The following ZNF407 variants were observed in gnomAD, a reference collection of about 807,000 sequenced individuals.
The protein encoded by ZNF407 is zinc finger protein 407.
Under a neutral mutation model 131.2 loss-of-function variants are expected in ZNF407, and 17 were observed. That is an observed-to-expected ratio of 0.13 (90% CI 0.09 to 0.19). The LOEUF (loss-of-function observed/expected upper bound fraction) is 0.19, where lower values mean the gene tolerates loss of function less well. ZNF407 is among the 10% of genes least tolerant of loss of function. The probability of loss-of-function intolerance (pLI) is 1.00; values close to 1 mark genes in which losing one functional copy is unlikely to be tolerated. For synonymous variants in ZNF407, 1,156 were observed against 1,062.0 expected, an observed-to-expected ratio of 1.09 and a Z score of -1.72; for missense variants, 2,681 against 2,830.6, an observed-to-expected ratio of 0.95 and a Z score of 1.20.
At chr18:74,626,774 C>G (rs1983804750) in intron 1 of ZNF407, among the ~76,000 whole-genome samples, 1 of 152,188 alleles carries the variant, frequency 6.6e-6, no homozygotes, top group Non-Finnish European at 1.5e-5. Flanking sequence ...CTCCCTTCCC[C>G]CACAGAGCAT....
At chr18:74,951,415 T>C (rs1972212771) in intron 8 of ZNF407, among the ~76,000 whole-genome samples, 1 of 152,204 alleles carries the variant, frequency 6.6e-6, no homozygotes, top group Non-Finnish European at 1.5e-5. Flanking sequence ...TAAACTGTTT[T>C]GCACAGAGAT....
In ZNF407 at chr18:74,710,898, G is replaced by C. The variant is rs558646230; in HGVS notation, c.4802+69776G>C. Among the ~76,000 whole-genome samples the C allele has an allele frequency of 1.5e-4, 23 of 152,312 alleles. No individual in the cohort carries two copies. In the South Asian group the frequency reaches 4.8e-3, roughly 32 times the overall value. ...AATGGAAAAACTGGCTCTGTGAATA[G>C]ACGAGTGAGGCTGAGCTATTTCTCT... is the stretch of plus-strand genomic sequence containing the variant. On this transcript the variant is annotated intron_variant, in intron 3 of 8. Coordinates refer to ENST00000299687, the MANE Select transcript of ZNF407 (RefSeq NM_017757.3).
chr18:74,802,169 G>A (rs894671641), intron 4 of ZNF407, among the ~76,000 whole-genome samples: 2 of 151,968 alleles, frequency 1.3e-5, no homozygotes, highest in South Asian at 2.1e-4. Context: ...GTTATACTAC[G>A]TACAAATATA....
intron 8 of ZNF407, among the ~76,000 whole-genome samples, chr18:74,950,259 A>G (rs1422643322): frequency 6.6e-6 from 1 of 152,202 alleles, no homozygotes; most frequent in African/African-American, 2.4e-5. Flanking sequence ...GCTGCAAGAA[A>G]ATGATTTAAC....
chr18:74,702,787 A>G (rs1967530954), intron 3 of ZNF407, among the ~76,000 whole-genome samples: 1 of 152,222 alleles, frequency 6.6e-6, no homozygotes, highest in Admixed American at 6.5e-5. Flanking sequence ...ATACACTGAT[A>G]CATAGACATG....
intron 4 of ZNF407, among the ~76,000 whole-genome samples, chr18:74,789,901 A>G (rs1163767023): frequency 4.7e-5 from 7 of 148,032 alleles, no homozygotes; most frequent in Admixed American, 6.7e-5. Flanking sequence ...CTATTCTCCA[A>G]TACACTCATA....
At chr18:74,629,401 C>G (rs1311840407) in intron 1 of ZNF407, among the ~76,000 whole-genome samples, 1 of 152,108 alleles carries the variant, frequency 6.6e-6, no homozygotes, top group African/African-American at 2.4e-5. Context: ...ATTTATCTTA[C>G]TATTGAGAAT....
chr18:74,759,958 C>CTCTG (rs1969057935), intron 3 of ZNF407, among the ~76,000 whole-genome samples: 1 of 150,922 alleles, frequency 6.6e-6, no homozygotes, highest in African/African-American at 2.4e-5. Flanking sequence ...GTCTCTCTCT[C>CTCTG]TCTCTCTCTC....
chr18:74,656,730 G>C (rs769519786), intron 3 of ZNF407, among the ~76,000 whole-genome samples: 8 of 152,160 alleles, frequency 5.3e-5, no homozygotes, highest in Admixed American at 5.2e-4. Context: ...AAGGGAAGCA[G>C]AGAATTAGGA....
intron 4 of ZNF407, among the ~76,000 whole-genome samples, chr18:74,805,259 A>G (rs1970092152): frequency 6.6e-6 from 1 of 152,182 alleles, no homozygotes; most frequent in Admixed American, 6.5e-5. Flanking sequence ...CTCTTCTGCT[A>G]TTTAAAAATC....
intron 8 of ZNF407, among the ~76,000 whole-genome samples, chr18:74,936,096 C>G (rs1159564322): frequency 6.6e-6 from 1 of 152,172 alleles, no homozygotes; most frequent in Non-Finnish European, 1.5e-5. Context: ...ATTTCTCTAT[C>G]TGCTTCTAAG....
chr18:74,764,841 T>C (rs1969191960), intron 3 of ZNF407, among the ~76,000 whole-genome samples: 1 of 152,202 alleles, frequency 6.6e-6, no homozygotes, highest in Admixed American at 6.5e-5. Flanking sequence ...ACTCTATTCT[T>C]TAAGCTTGAT....
intron 3 of ZNF407, 30 bp from the exon 4 acceptor site, chr18:74,781,398 G>A: frequency 1.4e-6 from 2 of 1,458,486 alleles, no homozygotes; most frequent in African/African-American, 1.4e-5. Flanking sequence ...TCAAGTTTTA[G>A]TTTTATAATT....
At chr18:74,641,439 C>G (rs1017753361) in intron 3 of ZNF407, among the ~76,000 whole-genome samples, 8 of 152,108 alleles carry the variant, frequency 5.3e-5, no homozygotes, top group Admixed American at 2.0e-4. Flanking sequence ...TACAAAAATA[C>G]ATAATATAGC....
At chr18:74,872,325 T>G (rs1971098687) in intron 4 of ZNF407, among the ~76,000 whole-genome samples, 1 of 152,118 alleles carries the variant, frequency 6.6e-6, no homozygotes, top group South Asian at 2.1e-4. Context: ...TACAATCACC[T>G]TTTTGAGATT....
intron 1 of ZNF407, among the ~76,000 whole-genome samples, chr18:74,607,060 G>C (rs1982839133): frequency 6.6e-6 from 1 of 152,238 alleles, no homozygotes; most frequent in African/African-American, 2.4e-5. Context: ...TGCCCTACAG[G>C]AGGCAGGTGT....
chr18:74,610,991 C>T (rs1983034444), intron 1 of ZNF407, among the ~76,000 whole-genome samples: 1 of 152,204 alleles, frequency 6.6e-6, no homozygotes, highest in Non-Finnish European at 1.5e-5. Flanking sequence ...GCAGAATAAA[C>T]CTCAATGAAG....
At chr18:75,059,032 TG>T (rs1276447970) in intron 8 of ZNF407, among the ~76,000 whole-genome samples, 1 of 152,214 alleles carries the variant, frequency 6.6e-6, no homozygotes, top group Non-Finnish European at 1.5e-5. Context: ...ATTTATGAAC[TG>T]TGATGGACTC....
chr18:74,705,564 T>C (rs1218442435), intron 3 of ZNF407, among the ~76,000 whole-genome samples: 2 of 152,226 alleles, frequency 1.3e-5, no homozygotes, highest in African/African-American at 4.8e-5. Context: ...GATTAGACTT[T>C]TTGAATATAG....
Sources: gnomAD v4.1 joint callset for allele counts (sites outside exome capture counted in the v4.1 genomes callset) on GRCh38, gnomAD v4.1.1 for gene constraint, MANE v1.5 for transcripts, NCBI Gene and HGNC (gene_info 2026-07-23, HGNC 2026-07-21) for gene names.